Variants in CERT1 observed in about 807,000 individuals in gnomAD.
CERT1 encodes the protein ceramide transporter 1.
CERT1 carries 31 observed loss-of-function variants against 87.9 expected under a neutral mutation model. The ratio of observed to expected loss-of-function variants is 0.35; its 90% confidence interval spans 0.27 to 0.48. The LOEUF is 0.48. Among genes scored for constraint, CERT1 ranks in the 20% least tolerant of loss-of-function variants. The pLI is 0.99. For missense variants in CERT1, 487 were observed against 758.0 expected, an observed-to-expected ratio of 0.64 and a Z score of 4.20; for synonymous variants, 289 against 250.9, an observed-to-expected ratio of 1.15 and a Z score of -1.44.
intron 5 of CERT1, among the ~76,000 whole-genome samples, chr5:75,420,748 T>C (rs1763344738): frequency 6.6e-6 from 1 of 152,208 alleles, no homozygotes; most frequent in Admixed American, 6.5e-5. Flanking sequence ...GTACTACGCA[T>C]TCCACTCATA....
chr5:75,503,032 G>A (rs1767458347), intron 2 of CERT1, among the ~76,000 whole-genome samples: 1 of 151,876 alleles, frequency 6.6e-6, no homozygotes, highest in South Asian at 2.1e-4. Flanking sequence ...TCACATTAAG[G>A]AATAAATTCT....
At chr5:75,394,401 T>C (rs1432233156) in intron 11 of CERT1, among the ~76,000 whole-genome samples, 1 of 152,144 alleles carries the variant, frequency 6.6e-6, no homozygotes, top group Non-Finnish European at 1.5e-5. Context: ...ATGCCTGTAG[T>C]CCCAGCTACT....
chr5:75,411,553 C>T (rs1762936246), intron 7 of CERT1, among the ~76,000 whole-genome samples: 1 of 152,098 alleles, frequency 6.6e-6, no homozygotes, highest in Non-Finnish European at 1.5e-5. Context: ...ACCTCGTGAT[C>T]CACCCTCCTC....
chr5:75,436,910 G>C (rs532980699), intron 3 of CERT1, among the ~76,000 whole-genome samples: 7 of 152,126 alleles, frequency 4.6e-5, no homozygotes, highest in African/African-American at 1.7e-4. Context: ...GCTGCATGCT[G>C]GGACTAATGG....
chr5:75,419,984 T>C (rs1162067247), intron 5 of CERT1, among the ~76,000 whole-genome samples: 1 of 151,924 alleles, frequency 6.6e-6, no homozygotes, highest in South Asian at 2.1e-4. Flanking sequence ...TTGTTCTTTT[T>C]TTTTTTTTTG....
intron 3 of CERT1, among the ~76,000 whole-genome samples, chr5:75,449,830 T>C (rs535862910): frequency 6.6e-6 from 1 of 152,268 alleles, no homozygotes; most frequent in East Asian, 1.9e-4. Flanking sequence ...CATTTCAGCA[T>C]CCTATTATGA....
At chr5:75,407,599 A>C (rs1431762074) in intron 8 of CERT1, among the ~76,000 whole-genome samples, 1 of 152,120 alleles carries the variant, frequency 6.6e-6, no homozygotes, top group African/African-American at 2.4e-5. Context: ...AATCGTAAAA[A>C]AGAAACGTGG....
At chr5:75,440,671 G>A (rs1013628640) in intron 3 of CERT1, among the ~76,000 whole-genome samples, 4 of 152,030 alleles carry the variant, frequency 2.6e-5, no homozygotes, top group African/African-American at 9.7e-5. Flanking sequence ...CCTAGTTCCT[G>A]TGTCTTAAGC....
At chr5:75,492,834 G>A (rs1056386429) in intron 2 of CERT1, among the ~76,000 whole-genome samples, 3 of 152,166 alleles carry the variant, frequency 2.0e-5, no homozygotes, top group African/African-American at 7.2e-5. Flanking sequence ...CTTTACTTGA[G>A]CAAAGCTATT....
At chr5:75,505,833 C>T in intron 2 of CERT1, 149 bp downstream of exon 2, 1 of 529,090 alleles carries the variant, frequency 1.9e-6, no homozygotes, top group Non-Finnish European at 3.1e-6. Flanking sequence ...AGTAAAATCA[C>T]TTTATGGAAA....
At chr5:75,490,263 T>C (rs887029157) in intron 2 of CERT1, among the ~76,000 whole-genome samples, 2 of 152,000 alleles carry the variant, frequency 1.3e-5, no homozygotes, top group Admixed American at 1.3e-4. Flanking sequence ...GGTTGGCAGT[T>C]GCAACAAACC....
intron 3 of CERT1, among the ~76,000 whole-genome samples, chr5:75,448,639 A>G (rs1368521844): frequency 1.3e-5 from 2 of 152,198 alleles, no homozygotes; most frequent in Non-Finnish European, 2.9e-5. Flanking sequence ...ATTGCTGTCA[A>G]TATGTATAAG....
intron 2 of CERT1, among the ~76,000 whole-genome samples, chr5:75,482,798 A>G (rs953331259): frequency 2.0e-5 from 3 of 152,226 alleles, no homozygotes. Context: ...TGAGTCTGCA[A>G]GAGTCACAGC....
At chr5:75,459,235 G>T in intron 2 of CERT1, 54 bp from the exon 3 acceptor site, 1 of 1,096,768 alleles carries the variant, frequency 9.1e-7, no homozygotes, top group Non-Finnish European at 1.4e-6. Flanking sequence ...CCTTAGAAGT[G>T]TTACACCCCA....
rs1437733205 is a variant in CERT1 at position 75,444,070 on chromosome 5, A to AT, written c.348+14994dup. 3.6e-4 allele frequency among the ~76,000 whole-genome samples: 54 copies of AT among 151,632 alleles called. 1 individual carries two copies. Among genetic ancestry groups the AT allele is most frequent in the African/African-American group, 1.2e-3 (48 of 41,354 alleles). On this transcript the variant is annotated intron_variant, in intron 3 of 16. Coordinates refer to ENST00000643780, the MANE Select transcript of CERT1 (RefSeq NM_001379029.1). ...TCATATAGACAGCATATAGTTGATC[A>AT]TTTTTTTTGTTTGTTTTTGCTGTCA... is the stretch of plus-strand genomic sequence containing the variant.
intron 16 of CERT1, among the ~76,000 whole-genome samples, chr5:75,380,150 CTT>C (rs149355907): frequency 3.8e-4 from 58 of 152,220 alleles, no homozygotes; most frequent in African/African-American, 9.1e-4. Context: ...GAAGGTATGA[CTT>C]TTGATGAGAG....
At chr5:75,390,344 T>C (rs1427010339) in intron 11 of CERT1, among the ~76,000 whole-genome samples, 1 of 152,218 alleles carries the variant, frequency 6.6e-6, no homozygotes, top group Admixed American at 6.5e-5. Context: ...TTCCAATTTC[T>C]TTGTTCTAAA....
intron 5 of CERT1, 141 bp downstream of exon 5, chr5:75,425,220 A>T (rs1181664320): frequency 2.9e-6 from 2 of 692,480 alleles, no homozygotes; most frequent in Non-Finnish European, 4.8e-6. Flanking sequence ...TTACAAGGAC[A>T]CTGAAATCTG....
In CERT1 at chr5:75,399,313, G is replaced by A. The variant is rs1477083723; in HGVS notation, c.1185C>T (p.Ser395=). The A allele has an allele frequency of 6.2e-7, 1 of 1,608,220 alleles. No homozygotes were observed. The highest frequency in any genetic ancestry group is 1.7e-5 in the Admixed American group (1 of 60,006). ...SASDDVHRFS[S]QVEEMVQNHM... is the part of the protein sequence containing the mutation. Reference sequence around the variant, plus strand: ...ACTCTATACATTCATACAGTACCTGGGAGCTGAATCTGTGAACATCATCAG... The same window carrying A: ...ACTCTATACATTCATACAGTACCTGAGAGCTGAATCTGTGAACATCATCAG... Residue 395 remains serine, a synonymous_variant, in exon 11 of 17, where the codon TCC becomes TCT. Coordinates refer to ENST00000643780, the MANE Select transcript of CERT1 (RefSeq NM_001379029.1).
Sources: allele counts gnomAD v4.1 joint callset (sites outside exome capture counted in the v4.1 genomes callset), GRCh38; gene constraint gnomAD v4.1.1; transcripts MANE v1.5; gene names NCBI Gene and HGNC (gene_info 2026-07-23, HGNC 2026-07-21).